The following COL4A5 variants were observed in gnomAD, a reference collection of about 807,000 sequenced individuals.
The protein encoded by COL4A5 is collagen type IV alpha 5 chain.
A neutral mutation model predicts 130.2 loss-of-function variants in COL4A5; 26 were observed. The observed-to-expected ratio is 0.20, with a 90% confidence interval of 0.15 to 0.28. The LOEUF is 0.28. COL4A5 is among the 10% of genes least tolerant of loss of function. The pLI is 1.00. For synonymous variants in COL4A5, 496 were observed against 439.6 expected (o/e 1.13, Z -1.60); for missense variants, 1,131 against 1,344.3 (o/e 0.84, Z 2.48).
chrX:108,465,086 A>G (rs1266226271), intron 1 of COL4A5, among the ~76,000 whole-genome samples: 1 of 111,863 alleles, frequency 8.9e-6, no homozygotes, highest in East Asian at 2.8e-4. Flanking sequence ...CCTGAAAGCC[A>G]CTGACCTGCT....
intron 3 of COL4A5, among the ~76,000 whole-genome samples, chrX:108,563,485 TC>T (rs2065926240): frequency 8.9e-6 from 1 of 111,988 alleles, no homozygotes; most frequent in Non-Finnish European, 1.9e-5. Flanking sequence ...GAGATGATGC[TC>T]ATTATACCAG....
chrX:108,550,268 C>G (rs778597183), intron 2 of COL4A5, among the ~76,000 whole-genome samples: 6 of 111,624 alleles, frequency 5.4e-5, no homozygotes, highest in African/African-American at 1.6e-4. Context: ...AGCATAGATA[C>G]AGAAATTATT....
chrX:108,594,196 C>T (rs774668450), intron 21 of COL4A5, among the ~76,000 whole-genome samples: 3 of 111,996 alleles, frequency 2.7e-5, no homozygotes, highest in African/African-American at 9.7e-5. Flanking sequence ...ATGCTGAAAA[C>T]CTTGGAGTCA....
intron 10 of COL4A5, among the ~76,000 whole-genome samples, chrX:108,576,717 T>G (rs2066156073): frequency 8.9e-6 from 1 of 112,071 alleles, no homozygotes; most frequent in Middle Eastern, 4.6e-3. Context: ...CATTATACCT[T>G]TATAGGTTGT....
intron 25 of COL4A5, among the ~76,000 whole-genome samples, chrX:108,599,714 T>C: frequency 8.9e-6 from 1 of 112,119 alleles, no homozygotes; most frequent in South Asian, 3.7e-4. Context: ...ATAAAAGTTT[T>C]ATGTGAACAC....
Position 108,584,530 on chromosome X carries a change from G to GT in COL4A5, c.1032+17dup, listed in dbSNP as rs761615270. The GT allele has an allele frequency of 0.088, 60,505 of 686,007 alleles. No homozygotes were observed. The highest frequency in any genetic ancestry group is 0.096 in the Non-Finnish European group (48,544 of 505,529). The allele number at this position is 686,007 out of a possible 1,213,427, so 56.5% of individuals were successfully genotyped here. A position where few individuals can be genotyped will look rare whatever the true frequency, so the allele number is the denominator to read the frequency against. On this transcript the variant is annotated splice_donor_region_variant and intron_variant, in intron 18 of 52. Coordinates refer to ENST00000328300, the MANE Select transcript of COL4A5 (RefSeq NM_033380.3). ...CCACCTGGACCTCCTGGACTTGTAA[G>GT]TTTTTTTTTTTTAGTCTTCGTTTAT... is the stretch of plus-strand genomic sequence containing the variant.
intron 47 of COL4A5, among the ~76,000 whole-genome samples, chrX:108,685,749 GGA>G (rs1208743061): frequency 8.9e-6 from 1 of 112,285 alleles, no homozygotes; most frequent in East Asian, 2.8e-4. Flanking sequence ...AACTTATGGT[GGA>G]ATAGAAAACG....
At chrX:108,599,817 T>A (rs1168728194) in intron 25 of COL4A5, among the ~76,000 whole-genome samples, 1 of 112,277 alleles carries the variant, frequency 8.9e-6, no homozygotes, top group Non-Finnish European at 1.9e-5. Context: ...CCACAAAGCC[T>A]AAAGTATTTA....
At chrX:108,513,387 T>C (rs2065196113) in intron 1 of COL4A5, among the ~76,000 whole-genome samples, 1 of 112,308 alleles carries the variant, frequency 8.9e-6, no homozygotes, top group South Asian at 3.7e-4. Flanking sequence ...TGTTCTATAA[T>C]TACTCCAATA....
At chrX:108,556,496 CAG>C (rs3838201) in intron 2 of COL4A5, among the ~76,000 whole-genome samples, 10,384 of 110,113 alleles carry the variant, frequency 0.094, 1,151 homozygotes, top group African/African-American at 0.31. Flanking sequence ...AAAGGATAGG[CAG>C]AGAGAGAGAA....
At chrX:108,573,866 G>C in intron 9 of COL4A5, among the ~76,000 whole-genome samples, 1 of 111,240 alleles carries the variant, frequency 9.0e-6, no homozygotes, top group Non-Finnish European at 1.9e-5. Context: ...TTTCTATCCA[G>C]TGTTTTGGGG....
intron 6 of COL4A5, among the ~76,000 whole-genome samples, chrX:108,570,306 C>T (rs773299503): frequency 2.7e-5 from 3 of 111,887 alleles, no homozygotes; most frequent in Non-Finnish European, 3.8e-5. Flanking sequence ...TTTTGTGCCT[C>T]TTCTGGTTAT....
intron 28 of COL4A5, among the ~76,000 whole-genome samples, chrX:108,606,161 A>G (rs1392027406): frequency 8.9e-6 from 1 of 112,095 alleles, no homozygotes; most frequent in African/African-American, 3.2e-5. Context: ...TCTCTTTATT[A>G]TGAACATTTT....
At chrX:108,496,475 G>A (rs1269644062) in intron 1 of COL4A5, among the ~76,000 whole-genome samples, 2 of 110,965 alleles carry the variant, frequency 1.8e-5, no homozygotes, top group Non-Finnish European at 1.9e-5. Flanking sequence ...TTATGTCCCA[G>A]AATATGTTCT....
intron 29 of COL4A5, among the ~76,000 whole-genome samples, chrX:108,612,925 A>G (rs906682137): frequency 8.9e-6 from 1 of 112,211 alleles, no homozygotes; most frequent in African/African-American, 3.2e-5. Flanking sequence ...CTAATAGATC[A>G]TTGTAACATA....
chrX:108,577,306 A>C (rs759080182), intron 10 of COL4A5, among the ~76,000 whole-genome samples: 14 of 96,294 alleles, frequency 1.5e-4, no homozygotes, highest in Non-Finnish European at 2.9e-4. Context: ...CAGGAGGCGG[A>C]GGTTGTGGTG....
intron 4 of COL4A5, among the ~76,000 whole-genome samples, chrX:108,568,424 C>A (rs1011087587): frequency 9.0e-6 from 1 of 111,730 alleles, no homozygotes; most frequent in Non-Finnish European, 1.9e-5. Flanking sequence ...ATTGAAGTTT[C>A]TTTTATAGTT....
At chrX:108,588,473 A>G (rs932790492) in intron 19 of COL4A5, among the ~76,000 whole-genome samples, 2 of 111,273 alleles carry the variant, frequency 1.8e-5, no homozygotes, top group African/African-American at 6.5e-5. Flanking sequence ...GATGCAGTAA[A>G]AGAGATAAGG....
chrX:108,461,312 AT>A (rs112654186), intron 1 of COL4A5, among the ~76,000 whole-genome samples: 11,407 of 110,602 alleles, frequency 0.1, 1,294 homozygotes, highest in African/African-American at 0.33. Flanking sequence ...AAAAGGAGGC[AT>A]TTTTTTTCCC....
Sources: allele counts gnomAD v4.1 joint callset (sites outside exome capture counted in the v4.1 genomes callset), GRCh38; gene constraint gnomAD v4.1.1; transcripts MANE v1.5; gene names NCBI Gene and HGNC (gene_info 2026-07-23, HGNC 2026-07-21).